PDE4D: variants seen among roughly 807,000 people sequenced by gnomAD.
The protein encoded by PDE4D is phosphodiesterase 4D.
A neutral mutation model predicts 87.4 loss-of-function variants in PDE4D; 24 were observed. The observed-to-expected ratio is 0.27, with a 90% CI of 0.20 to 0.39. The LOEUF is 0.39. Among genes scored for constraint, PDE4D ranks in the 10% least tolerant of loss-of-function variants. The pLI is 1.00. For missense variants in PDE4D, 714 were observed against 1,041.0 expected (o/e 0.69, Z 4.32); for synonymous variants, 384 against 383.2 (o/e 1.00, Z -0.02).
intron 1 of PDE4D, among the ~76,000 whole-genome samples, chr5:59,692,730 C>T (rs559037788): frequency 6.6e-6 from 1 of 152,182 alleles, no homozygotes; most frequent in African/African-American, 2.4e-5. Context: ...ATCGCTTTAG[C>T]TTGTTTCTGT....
At chr5:59,409,158 A>C (rs935434687) in intron 1 of PDE4D, among the ~76,000 whole-genome samples, 2 of 152,186 alleles carry the variant, frequency 1.3e-5, no homozygotes, top group Non-Finnish European at 2.9e-5. Context: ...AAAAAAAAAA[A>C]AAAAGAATGG....
intron 1 of PDE4D, among the ~76,000 whole-genome samples, chr5:60,416,089 T>C (rs966504665): frequency 2.0e-4 from 30 of 152,242 alleles, no homozygotes. Context: ...GCTCAGGGTT[T>C]GTAAATACAC....
chr5:59,189,232 GTTT>G (rs34203891), intron 3 of PDE4D, among the ~76,000 whole-genome samples: 1 of 99,898 alleles, frequency 1.0e-5, no homozygotes, highest in East Asian at 3.3e-4. Context: ...TTCCTACCCC[GTTT>G]TTTTTTTTGT....
At chr5:59,438,019 G>A (rs1023428662) in intron 1 of PDE4D, among the ~76,000 whole-genome samples, 2 of 152,138 alleles carry the variant, frequency 1.3e-5, no homozygotes, top group Non-Finnish European at 2.9e-5. Flanking sequence ...AAAACCAGCA[G>A]ATCTCATGAG....
chr5:60,067,792 A>G (rs1772269892), intron 2 of PDE4D, among the ~76,000 whole-genome samples: 2 of 152,130 alleles, frequency 1.3e-5, no homozygotes, highest in African/African-American at 4.8e-5. Context: ...ACTATTTTAG[A>G]TAACTCATAT....
At chr5:59,382,923 C>T (rs954671815) in intron 1 of PDE4D, among the ~76,000 whole-genome samples, 5 of 152,116 alleles carry the variant, frequency 3.3e-5, no homozygotes, top group Non-Finnish European at 5.9e-5. Flanking sequence ...GCTGTAGACA[C>T]TCAAAAAATA....
At chr5:60,012,237 G>T (rs1248662587) in intron 2 of PDE4D, among the ~76,000 whole-genome samples, 2 of 152,134 alleles carry the variant, frequency 1.3e-5, no homozygotes, top group African/African-American at 4.8e-5. Flanking sequence ...AGAAGGAAAA[G>T]AAACTATCCT....
chr5:60,350,123 T>G (rs1023192197), intron 1 of PDE4D, among the ~76,000 whole-genome samples: 8 of 152,140 alleles, frequency 5.3e-5, no homozygotes, highest in African/African-American at 1.9e-4. Context: ...AATTATCACT[T>G]CAAAATACCA....
intron 2 of PDE4D, among the ~76,000 whole-genome samples, chr5:60,175,268 T>C (rs1046865895): frequency 1.3e-5 from 2 of 152,156 alleles, no homozygotes; most frequent in Non-Finnish European, 2.9e-5. Context: ...TTCTAGCATT[T>C]CCATTTGATT....
chr5:59,754,373 T>A (rs1341527936), intron 1 of PDE4D, among the ~76,000 whole-genome samples: 2 of 152,094 alleles, frequency 1.3e-5, no homozygotes, highest in Admixed American at 6.6e-5. Context: ...GGCTTCCACA[T>A]CACCTGTAGG....
At chr5:59,225,765 A>G (rs2153513933) in intron 1 of PDE4D, among the ~76,000 whole-genome samples, 1 of 152,156 alleles carries the variant, frequency 6.6e-6, no homozygotes, top group South Asian at 2.1e-4. Context: ...ATTAATATCT[A>G]CAATACATAG....
In PDE4D at chr5:59,291,595, T is replaced by TA. The variant is rs914800949; in HGVS notation, c.456-75628dup. 3.9e-5 allele frequency among the ~76,000 whole-genome samples: 6 copies of TA among 151,970 alleles called. No homozygotes were observed. The East Asian group carries it at 1.2e-3, about 29-fold the overall frequency. On this transcript the variant is annotated intron_variant, in intron 1 of 14. Transcript: ENST00000340635. Reference sequence around the variant, plus strand: ...GGGTAAAATTGGATTGTTTGTAACATAAAAAAAGGATAAATGCTTGAGGTG... The same window carrying TA: ...GGGTAAAATTGGATTGTTTGTAACATAAAAAAAAGGATAAATGCTTGAGGTG...
Position 59,649,904 on chromosome 5 carries a change from C to CTTTTTTTTTT in PDE4D, c.455+243263_455+243264insAAAAAAAAAA, listed in dbSNP as rs1561402852. 5.3e-3 allele frequency among the ~76,000 whole-genome samples: 393 copies of CTTTTTTTTTT among 73,926 alleles called. 89 individuals are homozygous for CTTTTTTTTTT. The highest frequency in any genetic ancestry group is 0.011 in the South Asian group (19 of 1,726). 48.5% of individuals were successfully genotyped at this position (73,926 alleles called of 152,430 possible). On this transcript the variant is annotated intron_variant, in intron 1 of 14. Coordinates refer to ENST00000340635, the MANE Select transcript of PDE4D (RefSeq NM_001104631.2). ...TGTTAAAATGTTGATAGTTTGTGAACCTTTTTTTTTTTTTTTTTTTTTTTT... is the reference window on the plus strand; with the variant it reads ...TGTTAAAATGTTGATAGTTTGTGAACTTTTTTTTTTCTTTTTTTTTTTTTTTTTTTTTTTT...
chr5:59,784,260 A>G (rs899669211), intron 1 of PDE4D, among the ~76,000 whole-genome samples: 1 of 151,902 alleles, frequency 6.6e-6, no homozygotes, highest in Non-Finnish European at 1.5e-5. Context: ...TTTAAAAAAA[A>G]AAAGGGGATT....
At chr5:59,634,460 T>A (rs1428935763) in intron 1 of PDE4D, among the ~76,000 whole-genome samples, 1 of 152,168 alleles carries the variant, frequency 6.6e-6, no homozygotes, top group Non-Finnish European at 1.5e-5. Context: ...ATTGCACTTA[T>A]TCTAAAATTG....
intron 13 of PDE4D, among the ~76,000 whole-genome samples, chr5:58,976,142 T>C (rs1270978542): frequency 1.3e-5 from 2 of 152,308 alleles, no homozygotes; most frequent in East Asian, 3.9e-4. Context: ...GTTAGTTTTT[T>C]TAATTAATGT....
chr5:59,600,262 C>A (rs564147742), intron 1 of PDE4D, among the ~76,000 whole-genome samples: 11 of 152,282 alleles, frequency 7.2e-5, no homozygotes, highest in Non-Finnish European at 1.5e-4. Context: ...GTTGGACTCA[C>A]GGCACTACTC....
chr5:60,213,480 C>T (rs918537840), intron 1 of PDE4D, among the ~76,000 whole-genome samples: 6 of 152,134 alleles, frequency 3.9e-5, no homozygotes, highest in African/African-American at 9.7e-5. Context: ...TCTCTTGAGA[C>T]CAGTCGGATG....
At chr5:59,845,892 A>T (rs557213595) in intron 1 of PDE4D, among the ~76,000 whole-genome samples, 1 of 152,188 alleles carries the variant, frequency 6.6e-6, no homozygotes, top group African/African-American at 2.4e-5. Flanking sequence ...AAGCCTGGTT[A>T]GCCAACAGGA....
Sources: allele counts gnomAD v4.1 joint callset (sites outside exome capture counted in the v4.1 genomes callset), GRCh38; gene constraint gnomAD v4.1.1; transcripts MANE v1.5; gene names NCBI Gene and HGNC (gene_info 2026-07-23, HGNC 2026-07-21).